Variants in ANK3 observed in about 807,000 individuals in gnomAD.
ANK3 encodes ankyrin 3, also known as ankyrin-3.
In ANK3, 57 loss-of-function variants were observed where a neutral mutation model predicts 370.9. That is an observed-to-expected ratio of 0.15 (90% CI 0.12 to 0.19). The LOEUF (loss-of-function observed/expected upper bound fraction) is 0.19, where lower values mean the gene tolerates loss of function less well. Among genes scored for constraint, ANK3 ranks in the 10% least tolerant of loss-of-function variants. The probability of loss-of-function intolerance (pLI) is 1.00; values close to 1 mark genes in which losing one functional copy is unlikely to be tolerated. For synonymous variants in ANK3, 1,929 were observed against 1,946.3 expected (o/e 0.99, Z 0.23); for missense variants, 4,439 against 5,302.1 (o/e 0.84, Z 5.06).
chr10:60,263,771 T>C, intron 6 of ANK3, 64 bp downstream of exon 6: 1 of 1,585,560 alleles, frequency 6.3e-7, no homozygotes, highest in Non-Finnish European at 8.6e-7. Flanking sequence ...GACCGGGTGC[T>C]CTTAAAGGTT....
chr10:60,184,518 C>A (rs1170258317), intron 17 of ANK3, among the ~76,000 whole-genome samples: 1 of 152,144 alleles, frequency 6.6e-6, no homozygotes, highest in Non-Finnish European at 1.5e-5. Flanking sequence ...TAATGGAAAG[C>A]CAGTTGATCT....
chr10:60,068,534 G>T, intron 37 of ANK3, 103 bp downstream of exon 37: 1 of 1,252,150 alleles, frequency 8.0e-7, no homozygotes, highest in Non-Finnish European at 1.1e-6. Context: ...AATCACAACA[G>T]TTCATGCACT....
rs5785463 is a variant in ANK3, at chr10:60,715,215, A to ATGTGTGTGTGTGTGTGTG, written c.57+18030_57+18047dup. Among the ~76,000 whole-genome samples the ATGTGTGTGTGTGTGTGTG allele has an allele frequency of 2.1e-3, 303 of 147,294 alleles. 2 individuals carry two copies. The highest frequency in any genetic ancestry group is 6.7e-3 in the African/African-American group (267 of 39,818). ...CTATTATATATATTTACATATACAAATGTGTGTGTGTGTGTGTGTGTGTGT... is the reference window on the plus strand; with the variant it reads ...CTATTATATATATTTACATATACAAATGTGTGTGTGTGTGTGTGTGTGTGTGTGTGTGTGTGTGTGTGT... On this transcript the variant is annotated intron_variant, in intron 1 of 43. Transcript: ENST00000373827.
At chr10:60,545,249 T>C (rs2076937091) in intron 2 of ANK3, among the ~76,000 whole-genome samples, 2 of 151,966 alleles carry the variant, frequency 1.3e-5, no homozygotes, top group African/African-American at 4.8e-5. Context: ...ACAAGAAAGA[T>C]ACCAAAGTTG....
intron 1 of ANK3, among the ~76,000 whole-genome samples, chr10:60,332,578 T>C (rs2132943928): frequency 6.6e-6 from 1 of 152,298 alleles, no homozygotes; most frequent in East Asian, 1.9e-4. Context: ...CAGAAGGGAA[T>C]GGCAAGGCTG....
chr10:60,059,348 C>T lies in ANK3; in HGVS notation c.12678G>A (p.Leu4226=). 1 of 1,613,898 alleles carries T rather than the reference C, an allele frequency of 6.2e-7. No individual in the cohort carries two copies. Among genetic ancestry groups the T allele is most frequent in the Non-Finnish European group, 8.5e-7 (1 of 1,179,854 alleles). ...TTTTGAAACAGCCATACCTGTCATC[C>T]AGTCGATCTAGTAACCCACCAGTTA... is the stretch of plus-strand genomic sequence containing the variant. The part of the protein sequence containing the change: ...RRVTGGLLDR[L]DDSPDQCRDS... Residue 4226 remains leucine (L), a synonymous_variant, in exon 41 of 44, where the codon CTG becomes CTA. Coordinates refer to ENST00000280772, the MANE Select transcript of ANK3 (RefSeq NM_020987.5).
At chr10:60,578,858 C>T (rs1038054927) in intron 2 of ANK3, among the ~76,000 whole-genome samples, 2 of 152,102 alleles carry the variant, frequency 1.3e-5, no homozygotes, top group African/African-American at 4.8e-5. Flanking sequence ...AATGATATTT[C>T]CTAGTATCTT....
intron 23 of ANK3, among the ~76,000 whole-genome samples, chr10:60,159,951 G>A (rs2095451785): frequency 6.6e-6 from 1 of 151,990 alleles, no homozygotes; most frequent in South Asian, 2.1e-4. Flanking sequence ...AGCAATAAAT[G>A]CCTACATCAA....
At chr10:60,156,663 C>T (rs2132265361) in intron 23 of ANK3, among the ~76,000 whole-genome samples, 1 of 152,252 alleles carries the variant, frequency 6.6e-6, no homozygotes, top group African/African-American at 2.4e-5. Flanking sequence ...CCTTATTTTC[C>T]CAAAATCTAC....
chr10:60,123,257 T>A (rs1328110825), intron 25 of ANK3, among the ~76,000 whole-genome samples: 2 of 152,212 alleles, frequency 1.3e-5, no homozygotes. Flanking sequence ...TTGGAAGTGA[T>A]GTCAAGGATT....
At chr10:60,700,508 A>G (rs2133416922) in intron 1 of ANK3, among the ~76,000 whole-genome samples, 1 of 152,324 alleles carries the variant, frequency 6.6e-6, no homozygotes, top group South Asian at 2.1e-4. Flanking sequence ...ACATATAATA[A>G]GCCAGGGAAA....
intron 2 of ANK3, among the ~76,000 whole-genome samples, chr10:60,610,740 C>T (rs12774943): frequency 6.6e-6 from 1 of 152,160 alleles, no homozygotes; most frequent in Admixed American, 6.5e-5. Context: ...ATGATTCTTC[C>T]ACCTTCAGGA....
intron 2 of ANK3, among the ~76,000 whole-genome samples, chr10:60,504,312 T>C (rs2133149674): frequency 6.6e-6 from 1 of 152,304 alleles, no homozygotes; most frequent in East Asian, 1.9e-4. Flanking sequence ...TGACTGGCCA[T>C]TGACAGTTTA....
exon 2 of ANK3, chr10:60,615,223 C>A (rs1227944205): frequency 1.3e-6 from 2 of 1,514,840 alleles, no homozygotes; most frequent in Non-Finnish European, 1.8e-6. Flanking sequence ...TCCAAAGCCA[C>A]CCTAAAAAAG....
intron 1 of ANK3, among the ~76,000 whole-genome samples, chr10:60,729,520 C>T (rs1300807361): frequency 6.6e-6 from 1 of 152,158 alleles, no homozygotes; most frequent in African/African-American, 2.4e-5. Context: ...AATTAACTTC[C>T]CCTATCAAGC....
intron 21 of ANK3, among the ~76,000 whole-genome samples, chr10:60,169,376 T>G (rs917166531): frequency 2.7e-5 from 4 of 150,554 alleles, no homozygotes; most frequent in African/African-American, 7.3e-5. Context: ...TTTTTTTTTT[T>G]TTTTTTTTTT....
intron 1 of ANK3, among the ~76,000 whole-genome samples, chr10:60,727,712 C>T (rs1564628920): frequency 6.6e-6 from 1 of 151,980 alleles, no homozygotes; most frequent in Non-Finnish European, 1.5e-5. Context: ...AGTTACAGAC[C>T]TCAGTTCTCT....
At chr10:60,511,596 G>A (rs2076081485) in intron 2 of ANK3, among the ~76,000 whole-genome samples, 1 of 152,080 alleles carries the variant, frequency 6.6e-6, no homozygotes, top group Non-Finnish European at 1.5e-5. Context: ...CTCTTCATGT[G>A]TCTCAGAATA....
chr10:60,127,192 C>G (rs1324564184), intron 25 of ANK3, among the ~76,000 whole-genome samples: 1 of 152,184 alleles, frequency 6.6e-6, no homozygotes. Context: ...TTGAGTCTCA[C>G]TAGATGGGCT....
Sources: allele counts gnomAD v4.1 joint callset (sites outside exome capture counted in the v4.1 genomes callset), GRCh38; gene constraint gnomAD v4.1.1; transcripts MANE v1.5; gene names NCBI Gene and HGNC (gene_info 2026-07-23, HGNC 2026-07-21).